Variants in YWHAQ observed in about 807,000 individuals in gnomAD.
YWHAQ encodes the protein 14-3-3 protein theta.
In YWHAQ, 6 loss-of-function variants were observed where a neutral mutation model predicts 28.3. That is an observed-to-expected ratio of 0.21 (90% CI 0.12 to 0.42). YWHAQ has a LOEUF of 0.42. Among genes scored for constraint, YWHAQ ranks in the 10% least tolerant of loss-of-function variants. The pLI, the probability that YWHAQ is intolerant of heterozygous loss-of-function variation, is 1.00. For missense variants in YWHAQ, 201 were observed against 305.6 expected, an observed-to-expected ratio of 0.66 and a Z score of 2.55; for synonymous variants, 143 against 119.1, an observed-to-expected ratio of 1.20 and a Z score of -1.31.
chr2:9,604,472 A>G lies in YWHAQ; in HGVS notation c.295-12957T>C, dbSNP rs541081157. On this transcript the variant is annotated intron_variant, in intron 2 of 5. Coordinates refer to ENST00000238081, the MANE Select transcript of YWHAQ (RefSeq NM_006826.4). Reference sequence around the variant, plus strand: ...TAATTTGGTTTTAGAGTATGAGTTTAGATCAAGTTCCTCAGTTTCATCTCC... The same window carrying G: ...TAATTTGGTTTTAGAGTATGAGTTTGGATCAAGTTCCTCAGTTTCATCTCC... Among the ~76,000 whole-genome samples the G allele has an allele frequency of 1.4e-3, 218 of 152,346 alleles. 1 individual carries two copies. Among genetic ancestry groups the G allele is most frequent in the African/African-American group, 5.1e-3 (211 of 41,584 alleles).
At chr2:9,588,509 G>A (rs1235001286) in intron 3 of YWHAQ, among the ~76,000 whole-genome samples, 181 bp from the exon 4 acceptor site, 4 of 152,242 alleles carry the variant, frequency 2.6e-5, no homozygotes, top group South Asian at 4.1e-4. Context: ...GGTGGCTCAC[G>A]CCTATAATCC....
In YWHAQ at chr2:9,600,333, G is replaced by T. The variant is rs573069693; in HGVS notation, c.295-8818C>A. ...ACTTAGTTGATAGAGCAGTGGCAGG[G>T]TTTGAGAGGATTGCCTCTGATTTTG... is the stretch of plus-strand genomic sequence containing the variant. On this transcript the variant is annotated intron_variant, in intron 2 of 5. Coordinates refer to ENST00000238081, the MANE Select transcript of YWHAQ (RefSeq NM_006826.4). 8.5e-5 allele frequency among the ~76,000 whole-genome samples: 13 copies of T among 152,340 alleles called. No homozygotes were observed. The South Asian group carries it at 2.7e-3, about 32-fold the overall frequency.
At chr2:9,604,250 G>A (rs1206275543) in intron 2 of YWHAQ, among the ~76,000 whole-genome samples, 2 of 152,038 alleles carry the variant, frequency 1.3e-5, no homozygotes, top group African/African-American at 4.8e-5. Context: ...CAGAAAATAC[G>A]GGGGGAAAAG....
chr2:9,607,645 TTG>T (rs1290190238), intron 2 of YWHAQ, among the ~76,000 whole-genome samples: 2 of 152,130 alleles, frequency 1.3e-5, no homozygotes, highest in Non-Finnish European at 2.9e-5. Context: ...AAGTCTGAAT[TTG>T]TGTTTATTGT....
intron 5 of YWHAQ, 115 bp downstream of exon 5, chr2:9,587,299 G>GT: frequency 1.1e-6 from 1 of 876,074 alleles, no homozygotes. Flanking sequence ...ATACTAACAC[G>GT]TATCTCATAC....
intron 2 of YWHAQ, chr2:9,615,344 T>C (rs1194004956): frequency 3.3e-5 from 5 of 152,086 alleles, no homozygotes; most frequent in Non-Finnish European, 1.5e-5. Context: ...CTCTTCCCCC[T>C]TTCTCACTAC....
At chr2:9,596,494 A>G (rs1016453789) in intron 2 of YWHAQ, among the ~76,000 whole-genome samples, 2 of 152,182 alleles carry the variant, frequency 1.3e-5, no homozygotes, top group Non-Finnish European at 2.9e-5. Flanking sequence ...TACACGCAAA[A>G]TAACAGGAAG....
At chr2:9,602,842 AAAAAAAAAAAAAAAAAAAAAATATAT>A (rs1200677205) in intron 2 of YWHAQ, among the ~76,000 whole-genome samples, 32 of 26,576 alleles carry the variant, frequency 1.2e-3, no homozygotes, top group African/African-American at 3.8e-3. Flanking sequence ...AAAAAAAAAA[AAAAAAAAAAAAAAAAAAAAAATATAT>A]ATATATATAT....
At chr2:9,606,535 GTGTA>G (rs1214821588) in intron 2 of YWHAQ, among the ~76,000 whole-genome samples, 1 of 152,214 alleles carries the variant, frequency 6.6e-6, no homozygotes, top group Non-Finnish European at 1.5e-5. Context: ...GTGTGTGTGT[GTGTA>G]TATTTTTTGA....
intron 3 of YWHAQ, among the ~76,000 whole-genome samples, chr2:9,590,389 T>C (rs1317585485): frequency 6.6e-6 from 1 of 152,250 alleles, no homozygotes; most frequent in African/African-American, 2.4e-5. Context: ...GTTCTCTTTA[T>C]ATATTCAGTT....
intron 2 of YWHAQ, chr2:9,615,407 A>AG (rs1210998128): frequency 1.3e-5 from 2 of 149,506 alleles, no homozygotes; most frequent in Admixed American, 6.6e-5. Context: ...AATAATAAAA[A>AG]GAAAAAAAAA....
intron 2 of YWHAQ, among the ~76,000 whole-genome samples, chr2:9,622,583 G>A (rs1341722464): frequency 1.3e-5 from 2 of 152,096 alleles, no homozygotes; most frequent in African/African-American, 4.8e-5. Flanking sequence ...ACCTAAGAGT[G>A]GAATTTCTAG....
chr2:9,630,021 G>A lies in YWHAQ; in HGVS notation c.294+138C>T, dbSNP rs896627860. 5 of 1,134,210 alleles carry A rather than the reference G, an allele frequency of 4.4e-6. No homozygotes were observed. The African/African-American group carries it at 4.7e-5, about 11-fold the overall frequency. The allele number at this position is 1,134,210 out of a possible 1,614,324, so 70.3% of individuals were successfully genotyped here. A position where few individuals can be genotyped will look rare whatever the true frequency, so the allele number is the denominator to read the frequency against. ...ACAACCGGAGGGACACAGTAGGGAA[G>A]TCAGGGCTCACCTAAAACCCTCCAC... is the stretch of plus-strand genomic sequence containing the variant. On this transcript the variant is annotated intron_variant, in intron 2 of 5. Coordinates refer to ENST00000238081, the MANE Select transcript of YWHAQ (RefSeq NM_006826.4). This position sits in a 1 kb window ranked among gnomAD's most constrained non-coding sequence, Gnocchi z 5.6.
At chr2:9,629,784 T>C (rs546202439) in intron 2 of YWHAQ, among the ~76,000 whole-genome samples, 2 of 152,344 alleles carry the variant, frequency 1.3e-5, no homozygotes, top group East Asian at 3.9e-4. Context: ...CTGCGCCTTC[T>C]TTCAACTGCC....
At chr2:9,612,190 T>C (rs1221839224) in intron 2 of YWHAQ, among the ~76,000 whole-genome samples, 1 of 152,218 alleles carries the variant, frequency 6.6e-6, no homozygotes, top group Non-Finnish European at 1.5e-5. Flanking sequence ...CCAAGTTAAC[T>C]GTATCATTTC....
intron 2 of YWHAQ, among the ~76,000 whole-genome samples, chr2:9,621,549 A>G (rs1172699709): frequency 6.6e-6 from 1 of 152,068 alleles, no homozygotes; most frequent in Admixed American, 6.6e-5. Flanking sequence ...ATACCCATAC[A>G]TTTCTAGCAG....
chr2:9,593,469 A>C (rs911724600), intron 2 of YWHAQ, among the ~76,000 whole-genome samples: 12 of 152,024 alleles, frequency 7.9e-5, no homozygotes, highest in African/African-American at 2.7e-4. Context: ...TCGGCCTCCC[A>C]AAGTACTGGG....
intron 2 of YWHAQ, among the ~76,000 whole-genome samples, chr2:9,618,464 A>G (rs958945751): frequency 2.6e-5 from 4 of 152,162 alleles, no homozygotes; most frequent in Non-Finnish European, 4.4e-5. Context: ...AATCATCACT[A>G]TGACTTTTCA....
At chr2:9,605,838 A>G (rs990602188) in intron 2 of YWHAQ, among the ~76,000 whole-genome samples, 13 of 151,970 alleles carry the variant, frequency 8.6e-5, no homozygotes, top group East Asian at 3.9e-4. Flanking sequence ...CTGCGATTAC[A>G]GGCTTGAGCC....
Sources: allele counts gnomAD v4.1 joint callset (sites outside exome capture counted in the v4.1 genomes callset), GRCh38; gene constraint gnomAD v4.1.1; non-coding constraint Gnocchi (gnomAD v3.1); transcripts MANE v1.5; gene names NCBI Gene and HGNC (gene_info 2026-07-23, HGNC 2026-07-21).